Variants in ARL6IP1 observed in about 807,000 individuals in gnomAD.
ARL6IP1 encodes the protein ADP-ribosylation factor-like protein 6-interacting protein 1.
In ARL6IP1, 16 loss-of-function variants were observed where a neutral mutation model predicts 30.1. That is an observed-to-expected ratio of 0.53 (90% confidence interval 0.36 to 0.81). The LOEUF is 0.81. Ranked by LOEUF, ARL6IP1 falls within the 30% of genes least tolerant of loss-of-function variation. The pLI, the probability that ARL6IP1 is intolerant of heterozygous loss-of-function variation, is 0.01. For synonymous variants in ARL6IP1, 72 were observed against 84.8 expected (o/e 0.85, Z 0.83); for missense variants, 173 against 242.7 (o/e 0.71, Z 1.91).
rs1195374361 is a variant in ARL6IP1 at position 18,792,579 on chromosome 16, TGCA to T, written c.*670_*672del. On this transcript the variant is annotated 3_prime_UTR_variant, in exon 6 of 6. Transcript: ENST00000304414. ...AGGATTTACTAACTTCGAGTCTAAG[TGCA>T]AGGGGACGAAAGCTTAAGCCTGTCA... The T allele has an allele frequency of 9.2e-5, 14 of 152,560 alleles. No individual in the cohort carries two copies. The highest frequency in any genetic ancestry group is 3.4e-4 in the African/African-American group (14 of 41,464). 9.5% of individuals were successfully genotyped at this position (152,560 alleles called of 1,614,324 possible). A position where few individuals can be genotyped will look rare whatever the true frequency, so the allele number is the denominator to read the frequency against.
At chr16:18,801,198 C>T in intron 1 of ARL6IP1, 1 of 1,410,570 alleles carries the variant, frequency 7.1e-7, no homozygotes, top group Non-Finnish European at 9.2e-7. Context: ...TCGACTCCTA[C>T]TCGCGGTGAT....
intron 3 of ARL6IP1, 181 bp downstream of exon 3, chr16:18,797,744 C>G: frequency 1.4e-6 from 1 of 693,610 alleles, no homozygotes; most frequent in Non-Finnish European, 2.3e-6. Context: ...CTATGGAGTA[C>G]AGAAAATTCA....
rs771551548 is a variant in ARL6IP1, at chr16:18,795,564, T to G, written c.308A>C (p.Gln103Pro). ...GSNKWTTEQQ[Q>P]RFHEICSNLV... ...ATTGCTGCAAATTTCATGGAATCTT[T>G]GCTGTTGTTCAGTGGTCCTAGAAAA... The change falls in exon 4 of 6, where the codon CAA becomes CCA. Residue 103 changes from glutamine to proline, a missense_variant. By Grantham distance (76) the Gln-to-Pro change is moderately conservative. Coordinates refer to ENST00000304414, the MANE Select transcript of ARL6IP1 (RefSeq NM_015161.3). 3.7e-6 allele frequency: 6 copies of G among 1,613,498 alleles called. No individual in the cohort carries two copies. The highest frequency in any genetic ancestry group is 4.2e-6 in the Non-Finnish European group (5 of 1,179,876).
Position 18,801,488 on chromosome 16 carries a change from A to G in ARL6IP1, c.-22T>C, listed in dbSNP as rs2030411277. ...CCATCGTCTCGGGGATGCAGTCTCT[A>G]CAAGCGCAGGCCACCTCCCCAACGA... On this transcript the variant is annotated 5_prime_UTR_variant, in exon 1 of 6. Coordinates refer to ENST00000304414, the MANE Select transcript of ARL6IP1 (RefSeq NM_015161.3). 4 of 1,610,880 alleles carry G rather than the reference A, an allele frequency of 2.5e-6. No individual in the cohort carries two copies. Among genetic ancestry groups the G allele is most frequent in the Non-Finnish European group, 2.5e-6 (3 of 1,179,012 alleles).
At chr16:18,801,406 CG>C (rs751732110) in intron 1 of ARL6IP1, 24 bp downstream of exon 1, 43 of 1,612,240 alleles carry the variant, frequency 2.7e-5, no homozygotes, top group Non-Finnish European at 3.5e-5. Flanking sequence ...GCTCGGCTCC[CG>C]GGGGACAGGC....
Position 18,798,022 on chromosome 16 carries a change from A to G in ARL6IP1, c.193T>C (p.Ser65Pro). The G allele has an allele frequency of 6.2e-7, 1 of 1,609,728 alleles. No homozygotes were observed. Among genetic ancestry groups the G allele is most frequent in the Non-Finnish European group, 8.5e-7 (1 of 1,178,512 alleles). The change falls in exon 3 of 6, where the codon TCT becomes CCT. Residue 65 changes from serine (S) to proline (P), a missense_variant. By Grantham distance (74) the Ser-to-Pro change is moderately conservative. Transcript: ENST00000304414. ...AAACAGGAAACGCCGGACAGAACAG[A>G]TGGATCTAGATAGTAGATAATCCTG... Reference protein sequence around the residue: ...VFLIIYYLDPSVLSGVSCFVM... With the variant: ...VFLIIYYLDPPVLSGVSCFVM...
chr16:18,794,737 T>C (rs1222244414), intron 4 of ARL6IP1, 54 bp from the exon 5 acceptor site: 1 of 1,245,650 alleles, frequency 8.0e-7, no homozygotes, highest in Non-Finnish European at 1.1e-6. Flanking sequence ...ACCATAAATA[T>C]ATGTAATTTT....
At chr16:18,793,912 G>A (rs1440713931) in intron 5 of ARL6IP1, among the ~76,000 whole-genome samples, 2 of 151,766 alleles carry the variant, frequency 1.3e-5, no homozygotes, top group Non-Finnish European at 1.5e-5. Flanking sequence ...ATGTGATTTC[G>A]CAATGTTGGC....
rs2030102719 is a variant in ARL6IP1 at position 18,792,793 on chromosome 16, A to C, written c.*459T>G. On this transcript the variant is annotated 3_prime_UTR_variant, in exon 6 of 6. Coordinates refer to ENST00000304414, the MANE Select transcript of ARL6IP1 (RefSeq NM_015161.3). ...ATTGGTCTCTTCATCAGAAGTGGTA[A>C]ACTTGGTCTCTATATTCACGAAGTC... The C allele has an allele frequency of 6.5e-6, 1 of 152,794 alleles. No individual in the cohort carries two copies. The highest frequency in any genetic ancestry group is 6.5e-5 in the Admixed American group (1 of 15,282). The allele number at this position is 152,794 out of a possible 1,614,324, so 9.5% of individuals were successfully genotyped here. A position where few individuals can be genotyped will look rare whatever the true frequency, so the allele number is the denominator to read the frequency against.
intron 1 of ARL6IP1, among the ~76,000 whole-genome samples, chr16:18,799,521 T>G (rs2030344983): frequency 6.6e-6 from 1 of 152,202 alleles, no homozygotes; most frequent in South Asian, 2.1e-4. Context: ...GAAATAACTT[T>G]TTTTAAGTTT....
In ARL6IP1 at chr16:18,793,674, G is replaced by A. The variant is rs549563200; in HGVS notation, c.494-304C>T. On this transcript the variant is annotated intron_variant, in intron 5 of 5. Coordinates refer to ENST00000304414, the MANE Select transcript of ARL6IP1 (RefSeq NM_015161.3). ...TCGAACTCCCAATCTCAGGTGATCC[G>A]CCTGCTTCAGCCTCCCAGAGTGCTG... Among the ~76,000 whole-genome samples, 6 of 151,538 alleles carry A rather than the reference G, an allele frequency of 4.0e-5. No individual in the cohort carries two copies. In the South Asian group the frequency reaches 1.0e-3, roughly 26 times the overall value.
intron 5 of ARL6IP1, among the ~76,000 whole-genome samples, chr16:18,793,815 T>G (rs1178556264): frequency 6.6e-6 from 1 of 152,234 alleles, no homozygotes; most frequent in Admixed American, 6.5e-5. Context: ...GTTCAAGCGA[T>G]TCTCCTGCCT....
chr16:18,800,968 C>A (rs1263379753), intron 1 of ARL6IP1, among the ~76,000 whole-genome samples: 1 of 152,212 alleles, frequency 6.6e-6, no homozygotes, highest in Non-Finnish European at 1.5e-5. Context: ...GTTGTACCAG[C>A]TCTAAGATAA....
chr16:18,798,572 A>C (rs2030313550), intron 2 of ARL6IP1, 129 bp downstream of exon 2: 1 of 1,034,226 alleles, frequency 9.7e-7, no homozygotes, highest in East Asian at 2.9e-5. Context: ...TATGAGAAAC[A>C]TTCTTTATGG....
In ARL6IP1 at chr16:18,791,987, A is replaced by G. The variant is rs1359881430; in HGVS notation, c.*1265T>C. On this transcript the variant is annotated 3_prime_UTR_variant, in exon 6 of 6. Coordinates refer to ENST00000304414, the MANE Select transcript of ARL6IP1 (RefSeq NM_015161.3). ...ATCAGTGCAATAAATTCACAAAACT[A>G]TATTACAGCTAGTTAATCAGTTTAA... 1 of 152,640 alleles carries G rather than the reference A, an allele frequency of 6.6e-6. No individual in the cohort carries two copies. The highest frequency in any genetic ancestry group is 6.5e-5 in the Admixed American group (1 of 15,282). 9.5% of individuals were successfully genotyped at this position (152,640 alleles called of 1,614,324 possible). A position where few individuals can be genotyped will look rare whatever the true frequency, so the allele number is the denominator to read the frequency against.
intron 1 of ARL6IP1, 71 bp downstream of exon 1, chr16:18,801,360 C>T (rs903190434): frequency 9.4e-6 from 15 of 1,591,434 alleles, no homozygotes; most frequent in Non-Finnish European, 1.3e-5. Context: ...AGGGACGAGG[C>T]CGCGGTGTTT....
Position 18,801,396 on chromosome 16 carries a change from G to T in ARL6IP1, c.36+35C>A, listed in dbSNP as rs762792129. 2.5e-6 allele frequency: 4 copies of T among 1,610,878 alleles called. No individual in the cohort carries two copies. In the South Asian group the frequency reaches 3.3e-5, roughly 13 times the overall value. On this transcript the variant is annotated intron_variant, in intron 1 of 5. Transcript: ENST00000304414. ...GAGCCCACGGACGTCTGGAGGCCTC[G>T]CTCGGCTCCCGGGGGACAGGCAGCC...
intron 4 of ARL6IP1, among the ~76,000 whole-genome samples, chr16:18,794,935 G>C (rs529854563): frequency 2.0e-5 from 3 of 151,606 alleles, no homozygotes; most frequent in African/African-American, 4.9e-5. Context: ...TAAATTATAC[G>C]ATCTTTTCAG....
intron 1 of ARL6IP1, among the ~76,000 whole-genome samples, chr16:18,800,689 G>T (rs2141875145): frequency 6.6e-6 from 1 of 152,326 alleles, no homozygotes; most frequent in Middle Eastern, 3.4e-3. Context: ...AAGGGCAACT[G>T]AGAATATGCA....
Sources: allele counts gnomAD v4.1 joint callset (sites outside exome capture counted in the v4.1 genomes callset), GRCh38; gene constraint gnomAD v4.1.1; transcripts MANE v1.5; gene names NCBI Gene and HGNC (gene_info 2026-07-23, HGNC 2026-07-21).